The following CSMD1 variants were observed in gnomAD, a reference collection of about 807,000 sequenced individuals.
CSMD1 encodes the protein CUB and sushi domain-containing protein 1.
A neutral mutation model predicts 417.5 loss-of-function variants in CSMD1; 213 were observed. The observed-to-expected ratio is 0.51, with a 90% CI of 0.46 to 0.57. The LOEUF (loss-of-function observed/expected upper bound fraction) is 0.57. CSMD1 is among the 20% of genes least tolerant of loss of function. CSMD1 has a pLI of 0.00. For missense variants in CSMD1, 6,923 were observed against 4,529.7 expected (o/e 1.53, Z -15.17); for synonymous variants, 2,862 against 1,736.8 (o/e 1.65, Z -16.11).
chr8:4,444,155 A>C (rs1475590904), intron 2 of CSMD1, among the ~76,000 whole-genome samples: 3 of 151,962 alleles, frequency 2.0e-5, no homozygotes, highest in Admixed American at 1.3e-4. Context: ...CACTCTGGCC[A>C]ACATGGCAAA....
At chr8:3,073,501 T>G (rs771085488) in intron 49 of CSMD1, among the ~76,000 whole-genome samples, 1 of 152,132 alleles carries the variant, frequency 6.6e-6, no homozygotes, top group Non-Finnish European at 1.5e-5. Context: ...CATGTATAAA[T>G]GAAGCAAAGC....
chr8:3,898,262 G>A lies in CSMD1; in HGVS notation c.818+99641C>T, dbSNP rs527553769. Among the ~76,000 whole-genome samples, 295 of 152,274 alleles carry A rather than the reference G, an allele frequency of 1.9e-3. 1 individual carries two copies. The highest frequency in any genetic ancestry group is 6.7e-3 in the African/African-American group (280 of 41,568). ...AATAGCTCAGATAAAACTACTGCAA[G>A]AAGCATGAATACAACCAAAAAAAAC... is the stretch of plus-strand genomic sequence containing the variant. On this transcript the variant is annotated intron_variant, in intron 5 of 69. Coordinates refer to ENST00000635120, the MANE Select transcript of CSMD1 (RefSeq NM_033225.6).
chr8:3,777,346 C>A (rs375708883), intron 5 of CSMD1, among the ~76,000 whole-genome samples: 10 of 152,234 alleles, frequency 6.6e-5, no homozygotes, highest in African/African-American at 2.2e-4. Flanking sequence ...GTGCTCCAGA[C>A]AGCAGTGCCT....
chr8:4,431,407 G>A (rs1331907582), intron 2 of CSMD1, among the ~76,000 whole-genome samples: 1 of 152,140 alleles, frequency 6.6e-6, no homozygotes, highest in African/African-American at 2.4e-5. Flanking sequence ...CACAAACTTA[G>A]ATTGAAGGAG....
chr8:4,903,583 T>G (rs924610932), intron 1 of CSMD1, among the ~76,000 whole-genome samples: 2 of 152,250 alleles, frequency 1.3e-5, no homozygotes, highest in African/African-American at 4.8e-5. Context: ...TTAAAATACC[T>G]GTAAATGTCA....
chr8:3,942,984 G>A (rs1232279470), intron 5 of CSMD1, among the ~76,000 whole-genome samples: 11 of 152,156 alleles, frequency 7.2e-5, no homozygotes, highest in East Asian at 3.9e-4. Flanking sequence ...TCACCAGTAC[G>A]TTACTAAGGG....
intron 49 of CSMD1, among the ~76,000 whole-genome samples, chr8:3,070,443 C>T (rs1244125965): frequency 6.6e-6 from 1 of 152,174 alleles, no homozygotes; most frequent in African/African-American, 2.4e-5. Flanking sequence ...TATAAAGCAG[C>T]CAGGCCACAT....
At chr8:3,313,018 A>C (rs987264775) in intron 23 of CSMD1, among the ~76,000 whole-genome samples, 2 of 152,224 alleles carry the variant, frequency 1.3e-5, no homozygotes, top group Non-Finnish European at 2.9e-5. Context: ...TGGTAAAATA[A>C]GTTGATGTGT....
intron 1 of CSMD1, among the ~76,000 whole-genome samples, chr8:4,884,057 T>G (rs1175869884): frequency 6.6e-6 from 1 of 152,016 alleles, no homozygotes; most frequent in East Asian, 1.9e-4. Flanking sequence ...CTCACTATGG[T>G]TGGATTTGCA....
chr8:4,944,625 T>C lies in CSMD1; in HGVS notation c.85+49707A>G, dbSNP rs184543442. Among the ~76,000 whole-genome samples the C allele has an allele frequency of 3.2e-3, 486 of 152,298 alleles. 5 individuals are homozygous for C. Among genetic ancestry groups the C allele is most frequent in the African/African-American group, 0.011 (463 of 41,556 alleles). On this transcript the variant is annotated intron_variant, in intron 1 of 69. Transcript: ENST00000635120. ...CATTAATTCAAAAATGTATGCGGAC[T>C]GGCCAACAAGCATATGAAGAGATGT...
intron 11 of CSMD1, among the ~76,000 whole-genome samples, chr8:3,480,203 C>CA (rs989666899): frequency 7.3e-5 from 11 of 150,872 alleles, no homozygotes; most frequent in Admixed American, 2.6e-4. Context: ...TATTAAAATA[C>CA]AAAAAAAAAT....
intron 5 of CSMD1, among the ~76,000 whole-genome samples, chr8:3,817,919 C>G (rs1801481579): frequency 6.6e-6 from 1 of 152,146 alleles, no homozygotes; most frequent in Middle Eastern, 3.2e-3. Context: ...CTGTTAACTA[C>G]CAGACAAAAA....
At chr8:4,333,556 C>G (rs1491003162) in intron 3 of CSMD1, among the ~76,000 whole-genome samples, 2 of 152,128 alleles carry the variant, frequency 1.3e-5, no homozygotes, top group East Asian at 3.9e-4. Context: ...GATATGCACA[C>G]CATGACATGC....
At chr8:3,543,446 G>C (rs1798527744) in intron 10 of CSMD1, among the ~76,000 whole-genome samples, 1 of 152,138 alleles carries the variant, frequency 6.6e-6, no homozygotes, top group African/African-American at 2.4e-5. Context: ...AAATGAGTTA[G>C]GAGAGATTTG....
chr8:3,942,937 C>T (rs1488641575), intron 5 of CSMD1, among the ~76,000 whole-genome samples: 1 of 151,992 alleles, frequency 6.6e-6, no homozygotes, highest in Admixed American at 6.6e-5. Context: ...AAAATACTGG[C>T]ACGACAACAC....
At chr8:4,021,906 G>A (rs910780276) in intron 4 of CSMD1, among the ~76,000 whole-genome samples, 3 of 151,992 alleles carry the variant, frequency 2.0e-5, no homozygotes, top group East Asian at 3.9e-4. Flanking sequence ...AACTACCCCA[G>A]ATCATCAACA....
rs191320263 is a variant in CSMD1 at position 3,454,672 on chromosome 8, G to C, written c.1561+14040C>G. Among the ~76,000 whole-genome samples the C allele has an allele frequency of 1.2e-4, 18 of 152,240 alleles. No individual in the cohort carries two copies. In the South Asian group the frequency reaches 1.5e-3, roughly 12 times the overall value. On this transcript the variant is annotated intron_variant, in intron 12 of 69. Coordinates refer to ENST00000635120, the MANE Select transcript of CSMD1 (RefSeq NM_033225.6). ...CTCTTCTGGCTTGTAGAGTTTCTGC[G>C]GAGAGATCAGCTGTTAGTCTGATGG...
chr8:4,185,857 G>T (rs753780882), intron 3 of CSMD1, among the ~76,000 whole-genome samples: 1 of 152,152 alleles, frequency 6.6e-6, no homozygotes, highest in Non-Finnish European at 1.5e-5. Context: ...CAGAGCAACC[G>T]TTCTTGTAGG....
chr8:3,626,927 G>A (rs935981198), intron 7 of CSMD1, among the ~76,000 whole-genome samples: 3 of 150,656 alleles, frequency 2.0e-5, no homozygotes, highest in Non-Finnish European at 4.4e-5. Context: ...TTAAATATTA[G>A]TATATTATAC....
Sources: allele counts gnomAD v4.1 joint callset (sites outside exome capture counted in the v4.1 genomes callset), GRCh38; gene constraint gnomAD v4.1.1; transcripts MANE v1.5; gene names NCBI Gene and HGNC (gene_info 2026-07-23, HGNC 2026-07-21).